The following FAM174A variants were observed in gnomAD, a reference collection of about 807,000 sequenced individuals.
FAM174A encodes the protein membrane protein FAM174A.
FAM174A carries 14 observed loss-of-function variants against 14.3 expected under a neutral mutation model. That is an observed-to-expected ratio of 0.98 (90% CI 0.65 to 1.53). FAM174A has a LOEUF of 1.53. Among genes scored for constraint, FAM174A ranks in the 40% most tolerant of loss-of-function variants. The probability of loss-of-function intolerance (pLI) is 0.00; values close to 1 mark genes in which losing one functional copy is unlikely to be tolerated. For missense variants in FAM174A, 241 were observed against 249.6 expected, an observed-to-expected ratio of 0.97 and a Z score of 0.23; for synonymous variants, 108 against 111.4, an observed-to-expected ratio of 0.97 and a Z score of 0.19.
chr5:100,566,810 C>G (rs1746662311), intron 2 of FAM174A, among the ~76,000 whole-genome samples: 1 of 151,774 alleles, frequency 6.6e-6, no homozygotes, highest in Non-Finnish European at 1.5e-5. Flanking sequence ...CTATGCTAAT[C>G]ATCAATTCTA....
At chr5:100,553,048 A>C (rs1355760327) in intron 1 of FAM174A, among the ~76,000 whole-genome samples, 3 of 152,086 alleles carry the variant, frequency 2.0e-5, no homozygotes, top group African/African-American at 4.8e-5. Flanking sequence ...AGAAAAGTGC[A>C]TATCTTTGTC....
chr5:100,560,831 C>A (rs1746508566), intron 1 of FAM174A, among the ~76,000 whole-genome samples: 1 of 151,922 alleles, frequency 6.6e-6, no homozygotes, highest in East Asian at 1.9e-4. Flanking sequence ...TTTCAAACTC[C>A]AGTGGACACT....
intron 2 of FAM174A, among the ~76,000 whole-genome samples, chr5:100,579,812 TTA>T (rs1490188031): frequency 6.6e-6 from 1 of 152,158 alleles, no homozygotes; most frequent in Non-Finnish European, 1.5e-5. Flanking sequence ...ATTTGGCAAT[TTA>T]TGTTTGCAGT....
intron 2 of FAM174A, among the ~76,000 whole-genome samples, chr5:100,572,986 A>G (rs1746822497): frequency 6.6e-6 from 1 of 152,042 alleles, no homozygotes; most frequent in South Asian, 2.1e-4. Context: ...TTTGATTTGC[A>G]TTTCTCTGAT....
intron 2 of FAM174A, among the ~76,000 whole-genome samples, chr5:100,574,358 T>G (rs1746858427): frequency 1.3e-5 from 2 of 152,016 alleles, no homozygotes; most frequent in South Asian, 4.1e-4. Flanking sequence ...TGGCTGATTT[T>G]TGTATTTTTA....
intron 2 of FAM174A, among the ~76,000 whole-genome samples, chr5:100,579,241 G>A (rs1315263052): frequency 6.6e-6 from 1 of 152,020 alleles, no homozygotes; most frequent in Non-Finnish European, 1.5e-5. Flanking sequence ...TGTCAATTCA[G>A]GATGTAAATA....
chr5:100,552,478 AAAAAG>A lies in FAM174A; in HGVS notation c.435-9573_435-9569del, dbSNP rs557572692. 5.1e-3 allele frequency among the ~76,000 whole-genome samples: 775 copies of A among 152,188 alleles called. 9 individuals carry two copies. The highest frequency in any genetic ancestry group is 0.017 in the African/African-American group (719 of 41,548). On this transcript the variant is annotated intron_variant, in intron 1 of 2. Coordinates refer to ENST00000312637, the MANE Select transcript of FAM174A (RefSeq NM_198507.3). ...TACCCTACAGATGCTTAGTTAAAAAAAAAAGAAGAAGAGAAAAAATCAAATCAGGT... is the reference window on the plus strand; with the variant it reads ...TACCCTACAGATGCTTAGTTAAAAAAAAGAAGAGAAAAAATCAAATCAGGT...
At chr5:100,544,847 A>G (rs1222460312) in intron 1 of FAM174A, among the ~76,000 whole-genome samples, 1 of 152,226 alleles carries the variant, frequency 6.6e-6, no homozygotes, top group African/African-American at 2.4e-5. Context: ...CTAGATTGAG[A>G]TGCTTCTGGT....
chr5:100,563,771 T>C (rs1016622914), intron 2 of FAM174A, among the ~76,000 whole-genome samples: 5 of 151,832 alleles, frequency 3.3e-5, no homozygotes, highest in Non-Finnish European at 5.9e-5. Flanking sequence ...TTTAAGAAGA[T>C]TGAAATTATT....
Position 100,535,541 on chromosome 5 carries a change from C to G in FAM174A, c.11C>G (p.Ser4Trp), listed in dbSNP as rs534257601. ...AGCGGTCCGGGAACGATGAAGGCCT[C>G]GCAGTGCTGCTGCTGTCTCAGCCAC... MKA[S>W]QCCCCLSHLL... The change falls in exon 1 of 3, where the codon TCG becomes TGG. Residue 4 changes from serine (S) to tryptophan (W), a missense_variant. Coordinates refer to ENST00000312637, the MANE Select transcript of FAM174A (RefSeq NM_198507.3). 1.2e-6 allele frequency: 2 copies of G among 1,612,922 alleles called. No individual in the cohort carries two copies. Among genetic ancestry groups the G allele is most frequent in the African/African-American group, 2.7e-5 (2 of 75,070 alleles).
intron 2 of FAM174A, among the ~76,000 whole-genome samples, chr5:100,565,916 AAG>A (rs927016155): frequency 1.3e-5 from 2 of 151,488 alleles, no homozygotes; most frequent in African/African-American, 4.8e-5. Context: ...GATGGCAGGC[AAG>A]AGAGCATGTG....
chr5:100,551,598 T>G (rs1243443742), intron 1 of FAM174A, among the ~76,000 whole-genome samples: 1 of 152,184 alleles, frequency 6.6e-6, no homozygotes, highest in Non-Finnish European at 1.5e-5. Flanking sequence ...GGCCCTTCCC[T>G]AACAATTCTC....
chr5:100,571,661 A>C (rs1283338838), intron 2 of FAM174A, among the ~76,000 whole-genome samples: 1 of 120,722 alleles, frequency 8.3e-6, no homozygotes, highest in South Asian at 2.4e-4. Context: ...TATATACCTA[A>C]GTGTGTGTGT....
intron 1 of FAM174A, among the ~76,000 whole-genome samples, chr5:100,558,118 A>G (rs1746435407): frequency 6.6e-6 from 1 of 152,128 alleles, no homozygotes; most frequent in Non-Finnish European, 1.5e-5. Flanking sequence ...AATGTGTCCC[A>G]GAGATTCTGG....
At position 100,562,049 on chromosome 5, in the gene FAM174A, G is replaced by C. The variant is rs376366709; in HGVS notation, c.435-5G>C. On this transcript the variant is annotated splice_polypyrimidine_tract_variant and splice_region_variant and intron_variant, in intron 1 of 2. Coordinates refer to ENST00000312637, the MANE Select transcript of FAM174A (RefSeq NM_198507.3). ...TTTTATTCATTAATTTGTTCTATTTGATAGGATGAGAAGAAGAAACCGAAA... is the reference window on the plus strand; with the variant it reads ...TTTTATTCATTAATTTGTTCTATTTCATAGGATGAGAAGAAGAAACCGAAA... 2.6e-6 allele frequency: 4 copies of C among 1,521,064 alleles called. No individual in the cohort carries two copies. In the African/African-American group the frequency reaches 5.7e-5, roughly 22 times the overall value. 94.2% of individuals were successfully genotyped at this position (1,521,064 alleles called of 1,614,324 possible).
At chr5:100,549,976 A>G (rs1218862140) in intron 1 of FAM174A, among the ~76,000 whole-genome samples, 1 of 152,108 alleles carries the variant, frequency 6.6e-6, no homozygotes, top group Non-Finnish European at 1.5e-5. Flanking sequence ...CATTGAATAC[A>G]GTTCTATATA....
At chr5:100,544,078 C>T (rs1462106589) in intron 1 of FAM174A, among the ~76,000 whole-genome samples, 1 of 152,010 alleles carries the variant, frequency 6.6e-6, no homozygotes, top group Non-Finnish European at 1.5e-5. Flanking sequence ...AATAATGTAT[C>T]AGGCTGGGCA....
chr5:100,566,141 G>GATAGATAT (rs558236562), intron 2 of FAM174A, among the ~76,000 whole-genome samples: 2,990 of 81,798 alleles, frequency 0.037, 150 homozygotes, highest in Middle Eastern at 0.071. Context: ...TGAAAAGTAT[G>GATAGATAT]ATATATATAT....
At chr5:100,549,106 A>G (rs1268535185) in intron 1 of FAM174A, among the ~76,000 whole-genome samples, 1 of 152,132 alleles carries the variant, frequency 6.6e-6, no homozygotes, top group Non-Finnish European at 1.5e-5. Flanking sequence ...TAGAACTGAC[A>G]GGGCTGTAGA....
Sources: gnomAD v4.1 joint callset for allele counts (sites outside exome capture counted in the v4.1 genomes callset) on GRCh38, gnomAD v4.1.1 for gene constraint, MANE v1.5 for transcripts, NCBI Gene and HGNC (gene_info 2026-07-23, HGNC 2026-07-21) for gene names.